BRCC3: variants seen among roughly 807,000 people sequenced by gnomAD.
The protein encoded by BRCC3 is lys-63-specific deubiquitinase BRCC36.
A neutral mutation model predicts 28.0 loss-of-function variants in BRCC3; 15 were observed. The observed-to-expected ratio is 0.54, with a 90% confidence interval of 0.36 to 0.82. The LOEUF is 0.82. Ranked by LOEUF, BRCC3 falls within the 40% of genes least tolerant of loss-of-function variation. BRCC3 has a pLI of 0.01. For missense variants in BRCC3, 109 were observed against 225.9 expected, an observed-to-expected ratio of 0.48 and a Z score of 3.32; for synonymous variants, 66 against 80.3, an observed-to-expected ratio of 0.82 and a Z score of 0.95.
At chrX:155,106,614 A>G (rs1471421803) in intron 7 of BRCC3, among the ~76,000 whole-genome samples, 1 of 112,764 alleles carries the variant, frequency 8.9e-6, no homozygotes, top group Non-Finnish European at 1.9e-5. Context: ...AGGAAAAATC[A>G]TAAGTGCTAT....
At chrX:155,096,587 A>G (rs1557296273) in intron 7 of BRCC3, among the ~76,000 whole-genome samples, 1 of 112,183 alleles carries the variant, frequency 8.9e-6, no homozygotes, top group African/African-American at 3.2e-5. Context: ...CTACTACCCA[A>G]TGTCATCTAC....
chrX:155,099,436 A>G (rs781922751), intron 7 of BRCC3: 2 of 1,187,769 alleles, frequency 1.7e-6, no homozygotes, highest in East Asian at 3.0e-5. Flanking sequence ...CTGATTTCCA[A>G]TAAGTGACCT....
At position 155,071,554 on chromosome X, in the gene BRCC3, G is replaced by GCAGGCGGTT. The variant is rs782044509; in HGVS notation, c.30_38dup (p.Gln10_Val12dup). On this transcript the variant is annotated inframe_insertion, in exon 1 of 11. Transcript: ENST00000330045. ...TGGCGGTGCAGGTGGTGCAGGCGGT[G>GCAGGCGGTT]CAGGCGGTTCATCTCGAGTCTGACG... is the stretch of plus-strand genomic sequence containing the variant. The GCAGGCGGTT allele has an allele frequency of 2.5e-6, 3 of 1,202,282 alleles. No individual in the cohort carries two copies. The highest frequency in any genetic ancestry group is 3.5e-5 in the African/African-American group (2 of 57,428).
chrX:155,081,070 C>T (rs1427267965), intron 5 of BRCC3, among the ~76,000 whole-genome samples: 1 of 111,745 alleles, frequency 8.9e-6, no homozygotes, highest in Non-Finnish European at 1.9e-5. Flanking sequence ...GTGGCTCACG[C>T]CTGTAATCCC....
chrX:155,072,940 G>T (rs941170104), intron 2 of BRCC3, among the ~76,000 whole-genome samples: 2 of 111,656 alleles, frequency 1.8e-5, no homozygotes, highest in East Asian at 5.6e-4. Flanking sequence ...GAGCATATAC[G>T]TTTAGAGGCA....
intron 6 of BRCC3, among the ~76,000 whole-genome samples, chrX:155,090,197 A>G (rs782446308): frequency 8.9e-6 from 1 of 112,218 alleles, no homozygotes; most frequent in Non-Finnish European, 1.9e-5. Flanking sequence ...CAGTCTTGCC[A>G]TTCTTTATTT....
intron 5 of BRCC3, among the ~76,000 whole-genome samples, chrX:155,084,401 C>T (rs782052002): frequency 9.0e-5 from 10 of 110,674 alleles, no homozygotes; most frequent in Admixed American, 3.8e-4. Flanking sequence ...CTGGCTCTGT[C>T]GCCCAGGCTG....
chrX:155,095,565 C>T (rs2074204204), intron 7 of BRCC3, among the ~76,000 whole-genome samples: 5 of 111,587 alleles, frequency 4.5e-5, no homozygotes, highest in South Asian at 3.7e-4. Context: ...CCTCCCAAAG[C>T]GCTGGGATTA....
intron 3 of BRCC3, among the ~76,000 whole-genome samples, chrX:155,075,194 C>A (rs1557293295): frequency 1.2e-5 from 1 of 80,521 alleles, no homozygotes; most frequent in East Asian, 3.3e-4. Flanking sequence ...TGAAATCAGA[C>A]CTGTTGCACA....
intron 5 of BRCC3, among the ~76,000 whole-genome samples, chrX:155,082,438 C>G (rs1370833493): frequency 1.8e-5 from 2 of 112,091 alleles, no homozygotes; most frequent in East Asian, 5.6e-4. Context: ...GTAGGACAAG[C>G]ACACACACAA....
At chrX:155,089,928 C>G (rs2074163936) in intron 6 of BRCC3, among the ~76,000 whole-genome samples, 1 of 111,658 alleles carries the variant, frequency 9.0e-6, no homozygotes. Flanking sequence ...GAAGATATTG[C>G]TGTAATCTAG....
At chrX:155,100,737 C>A (rs782473717) in intron 7 of BRCC3, among the ~76,000 whole-genome samples, 7 of 111,520 alleles carry the variant, frequency 6.3e-5, no homozygotes, top group African/African-American at 2.0e-4. Context: ...TTAATTATTC[C>A]CTTTGATATT....
At chrX:155,112,897 A>G (rs782816709) in intron 7 of BRCC3, among the ~76,000 whole-genome samples, 130 of 111,808 alleles carry the variant, frequency 1.2e-3, no homozygotes, top group Middle Eastern at 8.4e-3. Context: ...TTACAATAAT[A>G]TCAAAAAGAA....
At chrX:155,082,931 G>T (rs1397076827) in intron 5 of BRCC3, among the ~76,000 whole-genome samples, 1 of 111,766 alleles carries the variant, frequency 8.9e-6, no homozygotes, top group Non-Finnish European at 1.9e-5. Flanking sequence ...TCGTGACATA[G>T]ACATTTTAGG....
chrX:155,077,335 TG>T, intron 4 of BRCC3, 46 bp downstream of exon 4: 1 of 1,104,855 alleles, frequency 9.1e-7, no homozygotes. Context: ...CTGGGGTTCC[TG>T]GGCCGCATTG....
intron 6 of BRCC3, 105 bp downstream of exon 6, chrX:155,089,456 C>A: frequency 2.1e-6 from 1 of 486,707 alleles, no homozygotes; most frequent in Non-Finnish European, 3.4e-6. Context: ...ATAGGATGGT[C>A]AGGAAAGGTT....
intron 9 of BRCC3, among the ~76,000 whole-genome samples, chrX:155,119,265 G>A (rs2074375515): frequency 1.8e-5 from 2 of 112,044 alleles, no homozygotes; most frequent in Non-Finnish European, 3.8e-5. Context: ...GTACAATCTG[G>A]AAAATACTGG....
Position 155,122,330 on chromosome X carries a change from A to G in BRCC3, c.*1126A>G, listed in dbSNP as rs782598038. On this transcript the variant is annotated 3_prime_UTR_variant, in exon 11 of 11. Coordinates refer to ENST00000330045, the MANE Select transcript of BRCC3 (RefSeq NM_001018055.3). ...ATGACTTACTTATCTCAATGGCTAAAGAAAAAATAGTGAAAATACCAAATA... is the reference window on the plus strand; with the variant it reads ...ATGACTTACTTATCTCAATGGCTAAGGAAAAAATAGTGAAAATACCAAATA... The G allele has an allele frequency of 8.9e-6, 1 of 112,159 alleles. No homozygotes were observed. Among genetic ancestry groups the G allele is most frequent in the East Asian group, 2.8e-4 (1 of 3,595 alleles). The allele number at this position is 112,159 out of a possible 1,213,427, so 9.2% of individuals were successfully genotyped here.
At chrX:155,115,051 G>C (rs868927891) in intron 7 of BRCC3, among the ~76,000 whole-genome samples, 2 of 111,941 alleles carry the variant, frequency 1.8e-5, no homozygotes, top group Non-Finnish European at 3.8e-5. Flanking sequence ...CTGGGAGGCT[G>C]GAAGATGATG....
Sources: gnomAD v4.1 joint callset for allele counts (sites outside exome capture counted in the v4.1 genomes callset) on GRCh38, gnomAD v4.1.1 for gene constraint, MANE v1.5 for transcripts, NCBI Gene and HGNC (gene_info 2026-07-23, HGNC 2026-07-21) for gene names.